CTDSPL: variants seen among roughly 807,000 people sequenced by gnomAD.
CTDSPL encodes the protein CTD small phosphatase-like protein.
A neutral mutation model predicts 30.5 loss-of-function variants in CTDSPL; 8 were observed. The observed-to-expected ratio is 0.26, with a 90% CI of 0.15 to 0.47. The LOEUF is 0.47. Ranked by LOEUF, CTDSPL falls within the 20% of genes least tolerant of loss-of-function variation. The pLI, the probability that CTDSPL is intolerant of heterozygous loss-of-function variation, is 0.99. For missense variants in CTDSPL, 248 were observed against 366.1 expected, an observed-to-expected ratio of 0.68 and a Z score of 2.63; for synonymous variants, 110 against 137.9, an observed-to-expected ratio of 0.80 and a Z score of 1.42.
chr3:37,900,851 T>G (rs1698441804), intron 1 of CTDSPL, among the ~76,000 whole-genome samples: 4 of 152,174 alleles, frequency 2.6e-5, no homozygotes, highest in Non-Finnish European at 5.9e-5. Flanking sequence ...CAGGCTGGAG[T>G]GCAGTGGCAC....
intron 1 of CTDSPL, among the ~76,000 whole-genome samples, chr3:37,913,770 CT>C (rs1433834314): frequency 6.6e-6 from 1 of 152,192 alleles, no homozygotes; most frequent in Non-Finnish European, 1.5e-5. Flanking sequence ...TGGTTTCCGT[CT>C]GGTGAACATA....
At chr3:37,931,889 A>G (rs538861212) in intron 1 of CTDSPL, among the ~76,000 whole-genome samples, 3 of 152,250 alleles carry the variant, frequency 2.0e-5, no homozygotes, top group South Asian at 2.1e-4. Context: ...CCACAAGTTG[A>G]TAGAACTAAG....
rs578236624 is a variant in CTDSPL at position 37,866,258 on chromosome 3, A to G, written c.79+3980A>G. Among the ~76,000 whole-genome samples the G allele has an allele frequency of 4.2e-4, 64 of 152,372 alleles. 2 individuals carry two copies. Among genetic ancestry groups the G allele is most frequent in the Admixed American group, 3.7e-3 (56 of 15,306 alleles). On this transcript the variant is annotated intron_variant, in intron 1 of 7. Coordinates refer to ENST00000273179, the MANE Select transcript of CTDSPL (RefSeq NM_001008392.2). ...AAACATACAGATAGGTGAATTTTCA[A>G]GACATTTTAAAGCAGGAAAAATTTT...
chr3:37,932,757 G>A (rs1230120009), intron 1 of CTDSPL, among the ~76,000 whole-genome samples: 6 of 152,208 alleles, frequency 3.9e-5, no homozygotes, highest in Admixed American at 3.9e-4. Flanking sequence ...GTGGCAGATT[G>A]TCCATAGGTA....
intron 2 of CTDSPL, among the ~76,000 whole-genome samples, chr3:37,951,952 C>G (rs1033540110): frequency 6.6e-6 from 1 of 152,158 alleles, no homozygotes; most frequent in Non-Finnish European, 1.5e-5. Flanking sequence ...ATTGGTTTGA[C>G]AAATTCAGCT....
intron 1 of CTDSPL, among the ~76,000 whole-genome samples, chr3:37,882,892 A>G (rs1698223486): frequency 6.6e-6 from 1 of 152,122 alleles, no homozygotes. Flanking sequence ...CAGTCTTAAT[A>G]TGTTTCTCTA....
intron 1 of CTDSPL, among the ~76,000 whole-genome samples, chr3:37,887,515 A>G (rs902201608): frequency 3.9e-5 from 6 of 152,192 alleles, no homozygotes; most frequent in Non-Finnish European, 8.8e-5. Context: ...GTGACCTTTA[A>G]CATGTTTCCT....
rs1697943826 is a variant in CTDSPL at position 37,861,955 on chromosome 3, C to A, written c.-245C>A. On this transcript the variant is annotated 5_prime_UTR_variant, in exon 1 of 8. Coordinates refer to ENST00000273179, the MANE Select transcript of CTDSPL (RefSeq NM_001008392.2). ...CTCCGCCTCCCCGTGCGCGGCTCTC[C>A]CGGGCGCGGCTCCGGGGTTCATGGT... is the stretch of plus-strand genomic sequence containing the variant. 6.8e-6 allele frequency: 1 copy of A among 146,682 alleles called. No individual in the cohort carries two copies. The highest frequency in any genetic ancestry group is 2.5e-5 in the African/African-American group (1 of 40,228). The allele number at this position is 146,682 out of a possible 1,614,324, so 9.1% of individuals were successfully genotyped here.
chr3:37,863,573 A>G (rs1697971300), intron 1 of CTDSPL, among the ~76,000 whole-genome samples: 1 of 152,076 alleles, frequency 6.6e-6, no homozygotes, highest in Admixed American at 6.5e-5. Flanking sequence ...GGTGCAGCCC[A>G]CCAGGACCCC....
chr3:37,901,820 C>G (rs1318789388), intron 1 of CTDSPL, among the ~76,000 whole-genome samples: 1 of 152,090 alleles, frequency 6.6e-6, no homozygotes, highest in African/African-American at 2.4e-5. Context: ...ATCAGAAAAC[C>G]CAACCACAAG....
intron 3 of CTDSPL, among the ~76,000 whole-genome samples, chr3:37,958,649 AT>A (rs138690647): frequency 0.01 from 1,555 of 152,348 alleles, 30 homozygotes; most frequent in African/African-American, 0.034. Context: ...CATGTATAGA[AT>A]TCTGGAATAA....
intron 2 of CTDSPL, among the ~76,000 whole-genome samples, chr3:37,956,709 G>A (rs770637541): frequency 3.3e-5 from 5 of 152,252 alleles, no homozygotes; most frequent in South Asian, 2.1e-4. Flanking sequence ...CATTCCCTGC[G>A]TATGATATTG....
At chr3:37,875,921 G>T (rs1253590059) in intron 1 of CTDSPL, among the ~76,000 whole-genome samples, 1 of 152,118 alleles carries the variant, frequency 6.6e-6, no homozygotes, top group Non-Finnish European at 1.5e-5. Flanking sequence ...ACATAGGCCT[G>T]TCTTCTGTCC....
At chr3:37,929,670 A>G (rs1698827125) in intron 1 of CTDSPL, among the ~76,000 whole-genome samples, 1 of 152,148 alleles carries the variant, frequency 6.6e-6, no homozygotes, top group Non-Finnish European at 1.5e-5. Context: ...ATTAGTTCTA[A>G]CAGCTTTTCT....
In CTDSPL at chr3:37,982,053, G is replaced by A. The variant is rs1699498243; in HGVS notation, c.*1186G>A. 2.7e-6 allele frequency: 1 copy of A among 366,950 alleles called. No individual in the cohort carries two copies. The highest frequency in any genetic ancestry group is 3.6e-5 in the Admixed American group (1 of 27,754). 22.7% of individuals were successfully genotyped at this position (366,950 alleles called of 1,614,324 possible). A position where few individuals can be genotyped will look rare whatever the true frequency, so the allele number is the denominator to read the frequency against. On this transcript the variant is annotated 3_prime_UTR_variant, in exon 8 of 8. Transcript: ENST00000273179. ...GGCATTGGCCACTGAAGGGTACAAAGGCAAAAGGACCACAGCACCACTTAG... is the reference window on the plus strand; with the variant it reads ...GGCATTGGCCACTGAAGGGTACAAAAGCAAAAGGACCACAGCACCACTTAG...
Position 37,936,925 on chromosome 3 carries a change from G to C in CTDSPL, c.80-10132G>C, listed in dbSNP as rs1002719159. On this transcript the variant is annotated intron_variant, in intron 1 of 7. Transcript: ENST00000273179. ...TGCGATGGATTACCTTCTTAGTTCT[G>C]CTCTTGTGATGAGAAAGAAGCTAGT... Among the ~76,000 whole-genome samples, 9 of 151,104 alleles carry C rather than the reference G, an allele frequency of 6.0e-5. No homozygotes were observed. In the South Asian group the frequency reaches 1.7e-3, roughly 28 times the overall value.
intron 4 of CTDSPL, among the ~76,000 whole-genome samples, chr3:37,966,418 T>C (rs1699299141): frequency 1.3e-5 from 2 of 152,030 alleles, no homozygotes; most frequent in African/African-American, 4.8e-5. Flanking sequence ...TGTAGCAGAG[T>C]CTCCTTTATA....
At chr3:37,960,347 G>T (rs1229299525) in intron 3 of CTDSPL, among the ~76,000 whole-genome samples, 1 of 151,204 alleles carries the variant, frequency 6.6e-6, no homozygotes, top group Non-Finnish European at 1.5e-5. Flanking sequence ...GGGTATGGTG[G>T]CACATGCCAG....
chr3:37,887,235 C>G (rs1698273571), intron 1 of CTDSPL, among the ~76,000 whole-genome samples: 1 of 152,192 alleles, frequency 6.6e-6, no homozygotes, highest in African/African-American at 2.4e-5. Flanking sequence ...GGGAAACGCT[C>G]CGTTTGTCAA....
Sources: gnomAD v4.1 joint callset for allele counts (sites outside exome capture counted in the v4.1 genomes callset) on GRCh38, gnomAD v4.1.1 for gene constraint, MANE v1.5 for transcripts, NCBI Gene and HGNC (gene_info 2026-07-23, HGNC 2026-07-21) for gene names.